ADGRB3: variants seen among roughly 807,000 people sequenced by gnomAD.
The protein encoded by ADGRB3 is brain-specific angiogenesis inhibitor 3.
Under a neutral mutation model 193.4 loss-of-function variants are expected in ADGRB3, and 37 were observed. The ratio of observed to expected loss-of-function variants is 0.19; its 90% CI spans 0.15 to 0.25. The LOEUF is 0.25. ADGRB3 is among the 10% of genes least tolerant of loss of function. The pLI is 1.00. For missense variants in ADGRB3, 1,637 were observed against 1,852.9 expected (o/e 0.88, Z 2.14); for synonymous variants, 690 against 644.2 (o/e 1.07, Z -1.08).
At chr6:69,022,921 A>G (rs571363655) in intron 13 of ADGRB3, among the ~76,000 whole-genome samples, 2 of 152,136 alleles carry the variant, frequency 1.3e-5, no homozygotes, top group South Asian at 4.1e-4. Context: ...GTGATGATTT[A>G]TAGTTTTGGT....
intron 3 of ADGRB3, among the ~76,000 whole-genome samples, chr6:68,721,068 C>T (rs9354796): frequency 0.77 from 117,076 of 151,642 alleles, 45,385 homozygotes; most frequent in Middle Eastern, 0.91. Flanking sequence ...GACAGTGTGG[C>T]GATTCCTCAG....
chr6:68,757,234 C>T (rs188353550), intron 3 of ADGRB3, among the ~76,000 whole-genome samples: 211 of 152,176 alleles, frequency 1.4e-3, no homozygotes, highest in Middle Eastern at 6.8e-3. Flanking sequence ...CTGTTTTCCA[C>T]CTGTCCAGAT....
chr6:68,898,613 G>A (rs34580444), intron 3 of ADGRB3, among the ~76,000 whole-genome samples: 14,507 of 152,098 alleles, frequency 0.095, 913 homozygotes, highest in Non-Finnish European at 0.14. Context: ...CTTAGACATG[G>A]ACTTCACATA....
intron 3 of ADGRB3, among the ~76,000 whole-genome samples, chr6:68,718,498 C>T (rs1199911183): frequency 6.6e-6 from 1 of 151,784 alleles, no homozygotes; most frequent in African/African-American, 2.4e-5. Context: ...CTGCCACTGA[C>T]TCATTGAACA....
At chr6:69,005,808 C>A (rs1479896721) in intron 11 of ADGRB3, among the ~76,000 whole-genome samples, 1 of 152,152 alleles carries the variant, frequency 6.6e-6, no homozygotes, top group Non-Finnish European at 1.5e-5. Flanking sequence ...AGATGTCGCC[C>A]TATCTTTTGT....
chr6:69,116,611 A>C (rs1013684530), intron 17 of ADGRB3, among the ~76,000 whole-genome samples: 2 of 152,216 alleles, frequency 1.3e-5, no homozygotes, highest in African/African-American at 4.8e-5. Context: ...TGCAGTAAAA[A>C]CTGAAGGCAA....
intron 3 of ADGRB3, among the ~76,000 whole-genome samples, chr6:68,791,153 G>A (rs573349941): frequency 2.0e-5 from 3 of 151,672 alleles, no homozygotes; most frequent in Non-Finnish European, 4.4e-5. Flanking sequence ...AGTTTCCTTA[G>A]CAATATCTTT....
intron 3 of ADGRB3, among the ~76,000 whole-genome samples, chr6:68,863,174 G>A (rs942448935): frequency 6.6e-6 from 1 of 151,996 alleles, no homozygotes; most frequent in Admixed American, 6.5e-5. Context: ...TGTAAATAAA[G>A]GAGTAGTTTC....
At chr6:69,015,445 G>T (rs1357557641) in intron 12 of ADGRB3, among the ~76,000 whole-genome samples, 1 of 151,664 alleles carries the variant, frequency 6.6e-6, no homozygotes, top group Non-Finnish European at 1.5e-5. Context: ...TTGAAATAAC[G>T]ATTTGAAGCT....
chr6:68,685,285 C>T lies in ADGRB3; in HGVS notation c.757+45853C>T, dbSNP rs552235652. On this transcript the variant is annotated intron_variant, in intron 3 of 31. Transcript: ENST00000370598. ...ATTTAAAGAAGTTATAAATTATTGT[C>T]CTGAATTAAATGTAATTGTATATTG... 5.3e-5 allele frequency among the ~76,000 whole-genome samples: 8 copies of T among 151,912 alleles called. No homozygotes were observed. The South Asian group carries it at 1.7e-3, about 32-fold the overall frequency.
chr6:69,239,875 T>C (rs779459), intron 20 of ADGRB3, among the ~76,000 whole-genome samples: 14,965 of 152,094 alleles, frequency 0.098, 844 homozygotes, highest in Middle Eastern at 0.11. Flanking sequence ...TATTCTGAAA[T>C]GTATTTTAAG....
chr6:69,344,539 CA>C (rs2127322561), intron 26 of ADGRB3, among the ~76,000 whole-genome samples: 1 of 152,034 alleles, frequency 6.6e-6, no homozygotes, highest in Non-Finnish European at 1.5e-5. Flanking sequence ...AGTAATATTC[CA>C]AAGTAAATCA....
intron 13 of ADGRB3, among the ~76,000 whole-genome samples, chr6:69,033,070 AT>A (rs1770760592): frequency 6.6e-6 from 1 of 152,288 alleles, no homozygotes; most frequent in African/African-American, 2.4e-5. Context: ...ATTTTAAAAA[AT>A]ATATAAATAT....
intron 20 of ADGRB3, 130 bp downstream of exon 20, chr6:69,239,356 G>C: frequency 1.6e-6 from 1 of 623,242 alleles, no homozygotes; most frequent in South Asian, 2.2e-5. Flanking sequence ...GCAAAATTTT[G>C]TTATTGGTTT....
At chr6:68,720,256 G>C (rs1765553953) in intron 3 of ADGRB3, among the ~76,000 whole-genome samples, 1 of 151,728 alleles carries the variant, frequency 6.6e-6, no homozygotes, top group Non-Finnish European at 1.5e-5. Flanking sequence ...TGTATCCATA[G>C]TAGAAAGAGG....
chr6:69,227,298 C>T (rs897635306), intron 17 of ADGRB3, among the ~76,000 whole-genome samples: 1 of 152,098 alleles, frequency 6.6e-6, no homozygotes, highest in Non-Finnish European at 1.5e-5. Flanking sequence ...CAATGAGAGA[C>T]CAGATAGTAT....
chr6:69,385,461 C>T (rs953227300), intron 31 of ADGRB3, among the ~76,000 whole-genome samples: 2 of 152,020 alleles, frequency 1.3e-5, no homozygotes, highest in East Asian at 3.9e-4. Flanking sequence ...GGCAGCCCTG[C>T]CATATTTTTG....
At chr6:68,831,435 A>AAG (rs1204885117) in intron 3 of ADGRB3, among the ~76,000 whole-genome samples, 7 of 151,380 alleles carry the variant, frequency 4.6e-5, no homozygotes, top group Admixed American at 3.3e-4. Context: ...TAGAGCTTAA[A>AAG]AGAGAAGACT....
At chr6:69,086,904 C>T (rs750502133) in intron 17 of ADGRB3, among the ~76,000 whole-genome samples, 12 of 152,122 alleles carry the variant, frequency 7.9e-5, no homozygotes, top group African/African-American at 1.4e-4. Flanking sequence ...AACCTTTTCA[C>T]GCCAGGAATT....
Sources: gnomAD v4.1 joint callset for allele counts (sites outside exome capture counted in the v4.1 genomes callset) on GRCh38, gnomAD v4.1.1 for gene constraint, MANE v1.5 for transcripts, NCBI Gene and HGNC (gene_info 2026-07-23, HGNC 2026-07-21) for gene names.